FAM78B: variants seen among roughly 807,000 people sequenced by gnomAD.
The protein encoded by FAM78B is family with sequence similarity 78 member B.
FAM78B carries 10 observed loss-of-function variants against 20.0 expected under a neutral mutation model. The observed-to-expected ratio is 0.50, with a 90% confidence interval of 0.31 to 0.85. FAM78B has a LOEUF of 0.85. Among genes scored for constraint, FAM78B ranks in the 40% least tolerant of loss-of-function variants. The pLI, the probability that FAM78B is intolerant of heterozygous loss-of-function variation, is 0.05. For missense variants in FAM78B, 283 were observed against 345.0 expected, an observed-to-expected ratio of 0.82 and a Z score of 1.42; for synonymous variants, 135 against 132.8, an observed-to-expected ratio of 1.02 and a Z score of -0.12.
intron 1 of FAM78B, among the ~76,000 whole-genome samples, chr1:166,119,669 C>T (rs1261631354): frequency 6.6e-6 from 1 of 152,210 alleles, no homozygotes; most frequent in Non-Finnish European, 1.5e-5. Flanking sequence ...TCTGCATTTC[C>T]ACTTCTATTA....
chr1:166,165,329 G>A (rs922782106), intron 1 of FAM78B, among the ~76,000 whole-genome samples: 6 of 152,172 alleles, frequency 3.9e-5, no homozygotes, highest in African/African-American at 1.4e-4. Flanking sequence ...CTTCTTGGCC[G>A]GGACGCACTC....
chr1:166,163,268 C>T (rs1290769779), intron 1 of FAM78B, among the ~76,000 whole-genome samples: 2 of 152,230 alleles, frequency 1.3e-5, no homozygotes, highest in Non-Finnish European at 2.9e-5. Context: ...CTTCACCAGC[C>T]TGGTTTCTAT....
chr1:166,149,344 C>T (rs897582430), intron 1 of FAM78B, among the ~76,000 whole-genome samples: 18 of 152,316 alleles, frequency 1.2e-4, no homozygotes, highest in African/African-American at 4.3e-4. Flanking sequence ...TTGAGGATTT[C>T]TTAGCTTTTT....
chr1:166,070,811 T>C (rs764725222), intron 1 of FAM78B, 48 bp from the exon 2 acceptor site: 18 of 1,502,506 alleles, frequency 1.2e-5, no homozygotes, highest in Non-Finnish European at 1.4e-5. Flanking sequence ...CTGAATGAAT[T>C]TTTCAAAAGC....
At chr1:166,101,677 C>T (rs936580711) in intron 1 of FAM78B, among the ~76,000 whole-genome samples, 31 of 152,184 alleles carry the variant, frequency 2.0e-4, no homozygotes, top group East Asian at 1.4e-3. Flanking sequence ...TAAAAAGAAA[C>T]GAACAAAGCC....
chr1:166,104,718 T>C (rs1229850584), intron 1 of FAM78B, among the ~76,000 whole-genome samples: 1 of 152,088 alleles, frequency 6.6e-6, no homozygotes. Context: ...TACAAACAAA[T>C]GGAAGAACAT....
intron 1 of FAM78B, among the ~76,000 whole-genome samples, chr1:166,119,592 C>G (rs1034317804): frequency 1.3e-5 from 2 of 152,190 alleles, no homozygotes; most frequent in African/African-American, 2.4e-5. Context: ...CACTTTAACC[C>G]TTCTTCCAGC....
At chr1:166,164,008 T>G (rs1180148486) in intron 1 of FAM78B, among the ~76,000 whole-genome samples, 1 of 152,218 alleles carries the variant, frequency 6.6e-6, no homozygotes. Flanking sequence ...TTGGTTCCAG[T>G]GAGGACATAC....
chr1:166,100,522 C>T (rs560922311), intron 1 of FAM78B, among the ~76,000 whole-genome samples: 79 of 152,324 alleles, frequency 5.2e-4, no homozygotes, highest in African/African-American at 1.9e-3. Flanking sequence ...ATGGTCTTAG[C>T]AGACAGCACA....
intron 1 of FAM78B, among the ~76,000 whole-genome samples, chr1:166,112,183 G>A (rs933865350): frequency 3.9e-5 from 6 of 152,192 alleles, no homozygotes; most frequent in Non-Finnish European, 8.8e-5. Flanking sequence ...AGATTTACCA[G>A]GGATTAGCCT....
At chr1:166,069,223 G>A (rs1039434729), downstream of FAM78B, among the ~76,000 whole-genome samples, 7 of 151,996 alleles carry the variant, frequency 4.6e-5, no homozygotes, top group African/African-American at 7.2e-5. Context: ...GTGTGCATGT[G>A]TGCATGTGTG....
intron 1 of FAM78B, among the ~76,000 whole-genome samples, chr1:166,127,125 A>G (rs941690130): frequency 6.6e-6 from 1 of 152,244 alleles, no homozygotes; most frequent in Non-Finnish European, 1.5e-5. Flanking sequence ...TCCTCACCTG[A>G]ACAATGGAGA....
At chr1:166,128,060 T>C (rs1329886465) in intron 1 of FAM78B, among the ~76,000 whole-genome samples, 1 of 152,184 alleles carries the variant, frequency 6.6e-6, no homozygotes, top group East Asian at 1.9e-4. Context: ...GGAAAACTTA[T>C]AGTAAATAAA....
At chr1:166,125,832 A>AAT (rs1553221688) in intron 1 of FAM78B, among the ~76,000 whole-genome samples, 3 of 128,802 alleles carry the variant, frequency 2.3e-5, no homozygotes, top group East Asian at 4.4e-4. Context: ...GCTACTTTGA[A>AAT]TTTTTTTTTT....
intron 1 of FAM78B, among the ~76,000 whole-genome samples, chr1:166,122,253 T>C (rs994742477): frequency 4.6e-5 from 7 of 152,134 alleles, no homozygotes; most frequent in Non-Finnish European, 4.4e-5. Flanking sequence ...AGAAGGCTGC[T>C]CTGCCCAGGG....
downstream of FAM78B, among the ~76,000 whole-genome samples, chr1:166,064,865 CAG>C (rs1261736742): frequency 2.0e-5 from 3 of 152,228 alleles, no homozygotes; most frequent in Admixed American, 2.0e-4. Context: ...TCTCAGGTAA[CAG>C]AGAAGGAAAC....
At chr1:166,095,278 C>T (rs1653234428) in intron 1 of FAM78B, among the ~76,000 whole-genome samples, 1 of 151,990 alleles carries the variant, frequency 6.6e-6, no homozygotes, top group Admixed American at 6.6e-5. Flanking sequence ...ATGCAGCAGC[C>T]CCGCAAGAGC....
intron 1 of FAM78B, among the ~76,000 whole-genome samples, chr1:166,080,809 A>G (rs1418286376): frequency 2.0e-5 from 3 of 152,212 alleles, no homozygotes; most frequent in African/African-American, 7.2e-5. Flanking sequence ...CCTCCACAGG[A>G]GGAGCTGGAA....
intron 1 of FAM78B, among the ~76,000 whole-genome samples, chr1:166,164,249 GT>G (rs1342478144): frequency 6.6e-6 from 1 of 152,268 alleles, no homozygotes; most frequent in African/African-American, 2.4e-5. Context: ...CCAGGCTGCT[GT>G]GGGGAGCACT....
Sources: gnomAD v4.1 joint callset for allele counts (sites outside exome capture counted in the v4.1 genomes callset) on GRCh38, gnomAD v4.1.1 for gene constraint, MANE v1.5 for transcripts, NCBI Gene and HGNC (gene_info 2026-07-23, HGNC 2026-07-21) for gene names.